Variants in FSTL5 observed in about 807,000 individuals in gnomAD.
FSTL5 encodes the protein follistatin-related protein 5.
FSTL5 carries 62 observed loss-of-function variants against 89.1 expected under a neutral mutation model. The ratio of observed to expected loss-of-function variants is 0.70; its 90% CI spans 0.57 to 0.86. The LOEUF (loss-of-function observed/expected upper bound fraction) is 0.86. Ranked by LOEUF, FSTL5 falls within the 40% of genes least tolerant of loss-of-function variation. FSTL5 has a pLI of 0.00. For synonymous variants in FSTL5, 383 were observed against 346.2 expected (o/e 1.11, Z -1.18); for missense variants, 1,057 against 1,001.6 (o/e 1.06, Z -0.75).
intron 4 of FSTL5, among the ~76,000 whole-genome samples, chr4:161,804,508 T>A (rs1424869846): frequency 7.0e-6 from 1 of 142,490 alleles, no homozygotes; most frequent in East Asian, 2.1e-4. Context: ...ATTTCCTATA[T>A]GATCAAATAT....
At position 161,547,115 on chromosome 4, in the gene FSTL5, C is replaced by T. The variant is rs749145833; in HGVS notation, c.1016-4422G>A. On this transcript the variant is annotated intron_variant, in intron 8 of 15. Transcript: ENST00000306100. ...TTATATGCCAAGGGGCAGAGAGAGG[C>T]CCCATGACAACAGCCAGCAAAAAAC... Among the ~76,000 whole-genome samples, 9 of 152,024 alleles carry T rather than the reference C, an allele frequency of 5.9e-5. No individual in the cohort carries two copies. In the South Asian group the frequency reaches 1.2e-3, roughly 21 times the overall value.
chr4:161,826,055 C>A (rs1730657040), intron 4 of FSTL5, among the ~76,000 whole-genome samples: 2 of 152,032 alleles, frequency 1.3e-5, no homozygotes, highest in Non-Finnish European at 2.9e-5. Context: ...TTTGCTATAT[C>A]CCAGAGGTTT....
chr4:161,499,160 C>A (rs772943467), intron 12 of FSTL5, among the ~76,000 whole-genome samples: 45 of 152,060 alleles, frequency 3.0e-4, no homozygotes, highest in Non-Finnish European at 5.3e-4. Flanking sequence ...CGAGATCACT[C>A]CATTGCACTC....
At chr4:161,395,628 CTA>C (rs1265884421) in intron 15 of FSTL5, among the ~76,000 whole-genome samples, 2 of 151,952 alleles carry the variant, frequency 1.3e-5, no homozygotes, top group Non-Finnish European at 2.9e-5. Context: ...TATGGAAACC[CTA>C]CCATAAAAGA....
chr4:161,422,691 C>G (rs1732032702), intron 15 of FSTL5, among the ~76,000 whole-genome samples: 1 of 152,176 alleles, frequency 6.6e-6, no homozygotes, highest in Non-Finnish European at 1.5e-5. Flanking sequence ...GTGCTTTAAG[C>G]ATTCCCTGCA....
At chr4:161,855,350 T>C (rs910375968) in intron 4 of FSTL5, among the ~76,000 whole-genome samples, 1 of 152,016 alleles carries the variant, frequency 6.6e-6, no homozygotes, top group East Asian at 1.9e-4. Flanking sequence ...TTCAGGTCCA[T>C]AGGAATACAT....
intron 6 of FSTL5, among the ~76,000 whole-genome samples, chr4:161,742,325 A>T (rs534270159): frequency 9.9e-5 from 15 of 152,124 alleles, no homozygotes; most frequent in Non-Finnish European, 2.1e-4. Context: ...ATGCAGCGGG[A>T]TCATGTACAA....
At chr4:162,036,812 T>A (rs915831818) in intron 2 of FSTL5, among the ~76,000 whole-genome samples, 1 of 152,030 alleles carries the variant, frequency 6.6e-6, no homozygotes, top group African/African-American at 2.4e-5. Context: ...TTGACATAGA[T>A]AGAATCATTG....
intron 7 of FSTL5, among the ~76,000 whole-genome samples, chr4:161,622,219 A>T (rs911115796): frequency 2.6e-5 from 4 of 152,234 alleles, no homozygotes; most frequent in Admixed American, 6.5e-5. Context: ...ACAGCCTTTT[A>T]TCTCTTAAAT....
chr4:161,693,556 G>A (rs1193782340), intron 6 of FSTL5, among the ~76,000 whole-genome samples: 1 of 149,390 alleles, frequency 6.7e-6, no homozygotes, highest in African/African-American at 2.5e-5. Context: ...AGTAATTTGT[G>A]TGTTTCTAGA....
At chr4:161,503,645 C>A (rs192750975) in intron 11 of FSTL5, among the ~76,000 whole-genome samples, 1 of 151,970 alleles carries the variant, frequency 6.6e-6, no homozygotes, top group East Asian at 1.9e-4. Context: ...TTTCAATACA[C>A]CTTTGGAAGT....
intron 8 of FSTL5, among the ~76,000 whole-genome samples, chr4:161,545,807 TTTATA>T (rs1731986374): frequency 1.3e-5 from 2 of 151,964 alleles, no homozygotes; most frequent in Middle Eastern, 3.2e-3. Context: ...ACCTATTATC[TTTATA>T]ATTAAAATAA....
chr4:161,527,894 C>G (rs1400454984), intron 10 of FSTL5, among the ~76,000 whole-genome samples: 6 of 150,232 alleles, frequency 4.0e-5, no homozygotes, highest in African/African-American at 7.4e-5. Flanking sequence ...TGGAACCAAC[C>G]CAAATGTCCA....
At chr4:161,722,611 C>T (rs1739254798) in intron 6 of FSTL5, among the ~76,000 whole-genome samples, 1 of 152,142 alleles carries the variant, frequency 6.6e-6, no homozygotes, top group Non-Finnish European at 1.5e-5. Flanking sequence ...AATGGCACTG[C>T]TGATCTATCT....
chr4:161,948,794 T>C (rs1449633337), intron 3 of FSTL5, among the ~76,000 whole-genome samples: 1 of 147,984 alleles, frequency 6.8e-6, no homozygotes, highest in Non-Finnish European at 1.5e-5. Context: ...GTATAATGTA[T>C]TTATTCTTTA....
intron 14 of FSTL5, among the ~76,000 whole-genome samples, chr4:161,456,442 G>A (rs1733356745): frequency 6.6e-6 from 1 of 152,140 alleles, no homozygotes; most frequent in African/African-American, 2.4e-5. Flanking sequence ...ATTTGACGAA[G>A]ACGTATGGAT....
Position 161,559,672 on chromosome 4 carries a change from G to T in FSTL5, c.1016-16979C>A, listed in dbSNP as rs796363613. On this transcript the variant is annotated intron_variant, in intron 8 of 15. Transcript: ENST00000306100. ...TAATGGTTTCTCATGCATTTTGAAG[G>T]AGATTTTATGTATAAACTTATAAAT... Among the ~76,000 whole-genome samples, 4 of 151,940 alleles carry T rather than the reference G, an allele frequency of 2.6e-5. No homozygotes were observed. The East Asian group carries it at 5.8e-4, about 22-fold the overall frequency.
intron 3 of FSTL5, among the ~76,000 whole-genome samples, chr4:162,030,113 T>C (rs1029142826): frequency 1.3e-5 from 2 of 152,048 alleles, no homozygotes; most frequent in East Asian, 1.9e-4. Flanking sequence ...GTTTTCACCA[T>C]GTTGGCCAGG....
At chr4:161,676,766 C>T (rs1737320623) in intron 6 of FSTL5, among the ~76,000 whole-genome samples, 1 of 151,878 alleles carries the variant, frequency 6.6e-6, no homozygotes, top group Admixed American at 6.6e-5. Context: ...CACACACACA[C>T]ACACATACAC....
Sources: gnomAD v4.1 joint callset for allele counts (sites outside exome capture counted in the v4.1 genomes callset) on GRCh38, gnomAD v4.1.1 for gene constraint, MANE v1.5 for transcripts, NCBI Gene and HGNC (gene_info 2026-07-23, HGNC 2026-07-21) for gene names.